The following KCND3 variants were observed in gnomAD, a reference collection of about 807,000 sequenced individuals.
KCND3 encodes the protein potassium voltage-gated channel subfamily D member 3.
KCND3 carries 9 observed loss-of-function variants against 51.1 expected under a neutral mutation model. The observed-to-expected ratio is 0.18, with a 90% CI of 0.11 to 0.31. KCND3 has a LOEUF of 0.31. Ranked by LOEUF, KCND3 falls within the 10% of genes least tolerant of loss-of-function variation. KCND3 has a pLI of 1.00. For synonymous variants in KCND3, 349 were observed against 368.0 expected (o/e 0.95, Z 0.59); for missense variants, 526 against 903.8 (o/e 0.58, Z 5.36).
At chr1:111,783,199 CAAAA>C (rs67241053) in intron 3 of KCND3, among the ~76,000 whole-genome samples, 7 of 72,330 alleles carry the variant, frequency 9.7e-5, no homozygotes, top group Middle Eastern at 8.2e-3. Flanking sequence ...AATTCAAAGA[CAAAA>C]AAAAAAAAAA....
intron 2 of KCND3, among the ~76,000 whole-genome samples, chr1:111,825,553 C>G (rs981014119): frequency 6.6e-6 from 1 of 152,152 alleles, no homozygotes; most frequent in African/African-American, 2.4e-5. Flanking sequence ...TCCAGTATTA[C>G]AATAAAGTTT....
chr1:111,966,537 T>C (rs1220558535), intron 2 of KCND3, among the ~76,000 whole-genome samples: 1 of 152,142 alleles, frequency 6.6e-6, no homozygotes, highest in East Asian at 1.9e-4. Context: ...GAGGGCCTGG[T>C]GAGGTCCCTG....
chr1:111,812,516 C>T (rs561082692), intron 2 of KCND3, among the ~76,000 whole-genome samples: 13 of 152,314 alleles, frequency 8.5e-5, no homozygotes, highest in South Asian at 6.2e-4. Context: ...AAGGGCAGTG[C>T]GCATGTCATG....
chr1:111,870,774 A>T (rs1391080873), intron 2 of KCND3, among the ~76,000 whole-genome samples: 1 of 152,218 alleles, frequency 6.6e-6, no homozygotes, highest in Non-Finnish European at 1.5e-5. Flanking sequence ...TCACCTATCC[A>T]TCCATTCAAT....
At chr1:111,927,914 G>A (rs1414507373) in intron 2 of KCND3, among the ~76,000 whole-genome samples, 1 of 152,060 alleles carries the variant, frequency 6.6e-6, no homozygotes, top group African/African-American at 2.4e-5. Context: ...CCCATGTCTG[G>A]GACGTTCCTC....
intron 2 of KCND3, among the ~76,000 whole-genome samples, chr1:111,928,918 C>G (rs983080043): frequency 5.9e-5 from 9 of 152,202 alleles, no homozygotes; most frequent in African/African-American, 2.2e-4. Context: ...GCAGACATGA[C>G]TGTTTCACAG....
intron 2 of KCND3, among the ~76,000 whole-genome samples, chr1:111,974,678 G>A (rs912784812): frequency 2.0e-5 from 3 of 152,200 alleles, no homozygotes; most frequent in African/African-American, 7.2e-5. Flanking sequence ...CCTGAAGATG[G>A]AAATGCTGCC....
intron 2 of KCND3, among the ~76,000 whole-genome samples, chr1:111,859,930 G>C (rs1388324949): frequency 2.0e-5 from 3 of 152,218 alleles, no homozygotes; most frequent in African/African-American, 7.2e-5. Context: ...AGGGTGGCGG[G>C]AGGTGTGAGA....
At chr1:111,779,986 T>C (rs1664301207) in intron 5 of KCND3, among the ~76,000 whole-genome samples, 1 of 152,202 alleles carries the variant, frequency 6.6e-6, no homozygotes, top group Non-Finnish European at 1.5e-5. Context: ...TAGGAGTGTG[T>C]GGGAGGCTGG....
At position 111,777,257 on chromosome 1, in the gene KCND3, T is replaced by G. The variant is rs1664166577; in HGVS notation, c.1535A>C (p.Asp512Ala). The change falls in exon 7 of 8, where the codon GAT becomes GCT. Residue 512 changes from aspartate to alanine, a missense_variant. By Grantham distance (126) the Asp-to-Ala change is moderately radical (BLOSUM62 -2). This residue lies in a region of KCND3 where 266 missense variants were observed against 305.5 expected (regional missense o/e 0.87). Transcript: ENST00000302127. ...GCAGTTCTGCTCAAACATCTGCTCA[T>G]CAATAAACTCGTGGTTCTGCGGGAG... ...TSTIKNHEFI[D>A]EQMFEQNCME... The G allele has an allele frequency of 3.1e-6, 5 of 1,614,128 alleles. No homozygotes were observed. Among genetic ancestry groups the G allele is most frequent in the Middle Eastern group, 1.7e-4 (1 of 6,058 alleles).
chr1:111,965,871 T>G (rs1036628260), intron 2 of KCND3, among the ~76,000 whole-genome samples: 1 of 152,170 alleles, frequency 6.6e-6, no homozygotes, highest in Admixed American at 6.5e-5. Context: ...AAGGCAGCAA[T>G]GGACCGGTAT....
chr1:111,953,259 TAAA>T (rs998461936), intron 2 of KCND3, among the ~76,000 whole-genome samples: 2 of 151,924 alleles, frequency 1.3e-5, no homozygotes, highest in Non-Finnish European at 2.9e-5. Flanking sequence ...GAGAGAAAAA[TAAA>T]AAGCTTGTTG....
chr1:111,984,508 G>C lies in KCND3; in HGVS notation c.-72-1710C>G, dbSNP rs80120741. ...AAACTCCCTCTGGCCTCCTTCCCAC[G>C]GGCCTTCTTGTCTCTCACTCTCACA... On this transcript the variant is annotated intron_variant, in intron 1 of 7. Coordinates refer to ENST00000302127, the MANE Select transcript of KCND3 (RefSeq NM_001378969.1). Among the ~76,000 whole-genome samples, 1,454 of 152,102 alleles carry C rather than the reference G, an allele frequency of 9.6e-3. 21 individuals are homozygous for C. The highest frequency in any genetic ancestry group is 0.033 in the African/African-American group (1,384 of 41,480).
intron 2 of KCND3, among the ~76,000 whole-genome samples, chr1:111,870,077 CA>C (rs1486361158): frequency 2.0e-5 from 3 of 152,182 alleles, no homozygotes; most frequent in Non-Finnish European, 4.4e-5. Flanking sequence ...ATTTATCAAG[CA>C]CTTGCTTGTA....
At chr1:111,949,013 G>A (rs1400023516) in intron 2 of KCND3, among the ~76,000 whole-genome samples, 1 of 152,214 alleles carries the variant, frequency 6.6e-6, no homozygotes, top group Non-Finnish European at 1.5e-5. Context: ...AAGCCTTTCT[G>A]AGCCTCACTC....
chr1:111,972,564 T>C (rs1479894782), intron 2 of KCND3, among the ~76,000 whole-genome samples: 1 of 152,232 alleles, frequency 6.6e-6, no homozygotes, highest in Non-Finnish European at 1.5e-5. Context: ...ATTTCCCATT[T>C]CCACATATCA....
Position 111,989,520 on chromosome 1 carries a change from C to G in KCND3, c.-88G>C, listed in dbSNP as rs966035818. Among the ~76,000 whole-genome samples, 2 of 151,154 alleles carry G rather than the reference C, an allele frequency of 1.3e-5. No homozygotes were observed. Among genetic ancestry groups the G allele is most frequent in the Non-Finnish European group, 1.5e-5 (1 of 67,696 alleles). ...TCCCTCTTACCTTCCGCGAAGCCAG[C>G]CCGGGCCCCGCGCCCGGCGCCCCGC... On this transcript the variant is annotated 5_prime_UTR_variant, in exon 1 of 8. Transcript: ENST00000302127.
chr1:111,781,587 T>G (rs936319951), intron 3 of KCND3, among the ~76,000 whole-genome samples: 2 of 152,170 alleles, frequency 1.3e-5, no homozygotes, highest in African/African-American at 4.8e-5. Flanking sequence ...TAGCGTGATC[T>G]CGGCTCACTG....
At chr1:111,848,555 G>C (rs1571734791) in intron 2 of KCND3, among the ~76,000 whole-genome samples, 1 of 152,156 alleles carries the variant, frequency 6.6e-6, no homozygotes, top group Admixed American at 6.5e-5. Context: ...AAACCTGAAG[G>C]CCTCAGAAAC....
Sources: allele counts gnomAD v4.1 joint callset (sites outside exome capture counted in the v4.1 genomes callset), GRCh38; gene constraint gnomAD v4.1.1; regional missense constraint gnomAD v4.1.1; transcripts MANE v1.5; gene names NCBI Gene and HGNC (gene_info 2026-07-23, HGNC 2026-07-21).